Variants in CFAP52 observed in about 807,000 individuals in gnomAD.
CFAP52 encodes cilia and flagella associated protein 52.
CFAP52 carries 57 observed loss-of-function variants against 70.5 expected under a neutral mutation model. That is an observed-to-expected ratio of 0.81 (90% CI 0.65 to 1.01). CFAP52 has a LOEUF of 1.01. Among genes scored for constraint, CFAP52 ranks in the 50% least tolerant of loss-of-function variants. The pLI is 0.00. For missense variants in CFAP52, 785 were observed against 788.5 expected (o/e 1.00, Z 0.05); for synonymous variants, 267 against 292.5 (o/e 0.91, Z 0.89).
chr17:9,578,284 G>A (rs1039349377), intron 1 of CFAP52, among the ~76,000 whole-genome samples: 1 of 152,144 alleles, frequency 6.6e-6, no homozygotes, highest in Non-Finnish European at 1.5e-5. Context: ...ATGTCAAAAG[G>A]CCTTTTCAGG....
chr17:9,605,570 C>A (rs1429673578), intron 6 of CFAP52, among the ~76,000 whole-genome samples: 1 of 151,710 alleles, frequency 6.6e-6, no homozygotes, highest in African/African-American at 2.4e-5. Context: ...GTGGTACATG[C>A]CTGTAGTTCC....
At chr17:9,630,426 A>ATTTTTTT (rs560084144) in intron 9 of CFAP52, among the ~76,000 whole-genome samples, 3 of 127,834 alleles carry the variant, frequency 2.3e-5, no homozygotes, top group African/African-American at 8.8e-5. Flanking sequence ...AATTTTTGTA[A>ATTTTTTT]TTTTTTTTTT....
chr17:9,593,063 A>G (rs780664297), intron 3 of CFAP52, among the ~76,000 whole-genome samples: 6 of 152,190 alleles, frequency 3.9e-5, no homozygotes, highest in Admixed American at 2.6e-4. Flanking sequence ...TTATACCTTG[A>G]TTTCAGACCA....
intron 3 of CFAP52, among the ~76,000 whole-genome samples, chr17:9,590,705 C>A (rs1908707966): frequency 6.6e-6 from 1 of 152,140 alleles, no homozygotes; most frequent in Non-Finnish European, 1.5e-5. Context: ...GGCCCCTTAA[C>A]CAAGGTTAAT....
In CFAP52 at chr17:9,578,422, G is replaced by A. The variant is rs181635497; in HGVS notation, c.70+1657G>A. Among the ~76,000 whole-genome samples, 31 of 152,286 alleles carry A rather than the reference G, an allele frequency of 2.0e-4. No individual in the cohort carries two copies. In the East Asian group the frequency reaches 5.8e-3, roughly 28 times the overall value. On this transcript the variant is annotated intron_variant, in intron 1 of 13. Transcript: ENST00000352665. ...TCCAATCAAAATTGTTCTTATGGCG[G>A]GTTGAACAGGGCTTCAGTTAGTAAG...
At chr17:9,596,053 G>GTGTGTGTA (rs1406759844) in intron 4 of CFAP52, among the ~76,000 whole-genome samples, 15 of 73,616 alleles carry the variant, frequency 2.0e-4, no homozygotes, top group African/African-American at 9.1e-4. Context: ...AGATATATAT[G>GTGTGTGTA]TGTGTGTATA....
intron 6 of CFAP52, among the ~76,000 whole-genome samples, chr17:9,607,510 T>C (rs1909541159): frequency 6.6e-6 from 1 of 152,232 alleles, no homozygotes; most frequent in Non-Finnish European, 1.5e-5. Context: ...GAAGAGCACT[T>C]TAAATTTTAA....
Position 9,630,468 on chromosome 17 carries a change from C to T in CFAP52, c.1174+1648C>T, listed in dbSNP as rs1470202842. On this transcript the variant is annotated intron_variant, in intron 9 of 13. Coordinates refer to ENST00000352665, the MANE Select transcript of CFAP52 (RefSeq NM_145054.5). ...TTTAAGAGACGGAGTCTTTTTCTGT[C>T]TCCCAGGCTGGAGTGCGGTGGCGCG... 3.4e-3 allele frequency among the ~76,000 whole-genome samples: 477 copies of T among 140,182 alleles called. 2 individuals are homozygous for T. The highest frequency in any genetic ancestry group is 0.012 in the African/African-American group (446 of 36,090). 92.0% of individuals were successfully genotyped at this position (140,182 alleles called of 152,430 possible). A position where few individuals can be genotyped will look rare whatever the true frequency, so the allele number is the denominator to read the frequency against.
chr17:9,592,003 G>T (rs994083117), intron 3 of CFAP52, among the ~76,000 whole-genome samples: 3 of 152,140 alleles, frequency 2.0e-5, no homozygotes, highest in Non-Finnish European at 2.9e-5. Context: ...CCCTCACCTT[G>T]AAGATTCTAC....
chr17:9,609,962 C>A (rs1192626781), intron 7 of CFAP52, among the ~76,000 whole-genome samples: 1 of 151,826 alleles, frequency 6.6e-6, no homozygotes, highest in African/African-American at 2.4e-5. Context: ...ATGGAATAGA[C>A]ACTTATAAAA....
At chr17:9,631,036 G>A (rs200112676) in intron 9 of CFAP52, among the ~76,000 whole-genome samples, 986 of 50,610 alleles carry the variant, frequency 0.019, 50 homozygotes, top group African/African-American at 0.057. Context: ...GAAAGAGAGA[G>A]AGAGAGAGAG....
At chr17:9,593,103 G>C (rs180813214) in intron 3 of CFAP52, among the ~76,000 whole-genome samples, 7 of 152,292 alleles carry the variant, frequency 4.6e-5, no homozygotes, top group Admixed American at 1.3e-4. Flanking sequence ...ATGTAGAAAA[G>C]TTGGGAAATA....
downstream of CFAP52, chr17:9,645,362 C>G (rs947117743): frequency 2.4e-5 from 6 of 247,136 alleles, no homozygotes; most frequent in Admixed American, 2.2e-4. The surrounding 1 kb of genome is among the most constrained non-coding windows in gnomAD (Gnocchi z 6.8). Flanking sequence ...GGTGGGGAAT[C>G]CGACCACGAA....
chr17:9,598,826 T>A (rs1909138510), intron 5 of CFAP52, among the ~76,000 whole-genome samples: 1 of 149,014 alleles, frequency 6.7e-6, no homozygotes. Context: ...CAGGGAAGAG[T>A]CACCTAGACA....
Position 9,585,779 on chromosome 17 carries a change from T to C in CFAP52, c.77T>C (p.Val26Ala), listed in dbSNP as rs1440468187. ...GTGAATCTCTCTCTTTTAGGACATG[T>C]GCCCACTGGTCTCAAATGCCATCCT... ...LDAVIGFNGH[V>A]PTGLKCHPDQ... The change falls in exon 2 of 14, where the codon GTG becomes GCG. Residue 26 changes from valine to alanine, a missense_variant. By Grantham distance (64) the Val-to-Ala change is moderately conservative. Transcript: ENST00000352665. 2 of 1,614,134 alleles carry C rather than the reference T, an allele frequency of 1.2e-6. No individual in the cohort carries two copies. Among genetic ancestry groups the C allele is most frequent in the Non-Finnish European group, 8.5e-7 (1 of 1,180,010 alleles).
intron 5 of CFAP52, among the ~76,000 whole-genome samples, chr17:9,598,768 A>AAAAAAAAG (rs1369559257): frequency 5.8e-4 from 88 of 151,284 alleles, no homozygotes; most frequent in African/African-American, 9.7e-4. Context: ...TTCAAAAAAA[A>AAAAAAAAG]AAGAAGAAAA....
chr17:9,585,544 G>T (rs569008761), intron 1 of CFAP52, among the ~76,000 whole-genome samples: 1 of 152,026 alleles, frequency 6.6e-6, no homozygotes, highest in Admixed American at 6.6e-5. Context: ...GGTGGCGGGT[G>T]CCTGTAATCC....
At chr17:9,627,809 C>T (rs1469050863) in intron 8 of CFAP52, among the ~76,000 whole-genome samples, 1 of 152,192 alleles carries the variant, frequency 6.6e-6, no homozygotes, top group Non-Finnish European at 1.5e-5. Flanking sequence ...CAGTCTCCAA[C>T]CCCTAGGCTC....
At chr17:9,613,604 G>A (rs978367916) in intron 8 of CFAP52, among the ~76,000 whole-genome samples, 3 of 151,996 alleles carry the variant, frequency 2.0e-5, no homozygotes, top group Non-Finnish European at 4.4e-5. Flanking sequence ...TGCAACCTCT[G>A]CCTCCTCGAT....
Sources: allele counts gnomAD v4.1 joint callset (sites outside exome capture counted in the v4.1 genomes callset), GRCh38; gene constraint gnomAD v4.1.1; non-coding constraint Gnocchi (gnomAD v3.1); transcripts MANE v1.5; gene names NCBI Gene and HGNC (gene_info 2026-07-23, HGNC 2026-07-21).